MSRB3: variants seen among roughly 807,000 people sequenced by gnomAD.
The protein encoded by MSRB3 is methionine-R-sulfoxide reductase B3.
In MSRB3, 13 loss-of-function variants were observed where a neutral mutation model predicts 21.0. That is an observed-to-expected ratio of 0.62 (90% CI 0.40 to 0.98). The LOEUF is 0.98. Ranked by LOEUF, MSRB3 falls within the 50% of genes least tolerant of loss-of-function variation. The pLI is 0.00. For missense variants in MSRB3, 199 were observed against 230.3 expected (o/e 0.86, Z 0.88); for synonymous variants, 87 against 88.6 (o/e 0.98, Z 0.10).
chr12:65,284,412 T>G (rs992285551), intron 1 of MSRB3: 1 of 152,152 alleles, frequency 6.6e-6, no homozygotes, highest in Non-Finnish European at 1.5e-5. Context: ...AATTGGATAT[T>G]GGGAAAGAAA....
At chr12:65,379,487 T>G (rs996675780) in intron 5 of MSRB3, among the ~76,000 whole-genome samples, 2 of 152,174 alleles carry the variant, frequency 1.3e-5, no homozygotes, top group Admixed American at 6.5e-5. Context: ...ATATAGAACA[T>G]TTCCACCTAT....
intron 5 of MSRB3, among the ~76,000 whole-genome samples, chr12:65,445,649 A>ATT (rs11388948): frequency 0.035 from 4,893 of 140,650 alleles, 283 homozygotes; most frequent in African/African-American, 0.11. Context: ...CATATATATA[A>ATT]TTTTTTTTTT....
intron 4 of MSRB3, among the ~76,000 whole-genome samples, chr12:65,359,300 G>A (rs983313018): frequency 6.6e-6 from 1 of 151,990 alleles, no homozygotes; most frequent in African/African-American, 2.4e-5. Flanking sequence ...TATTGCTCTT[G>A]TCTGAGATTT....
Position 65,458,356 on chromosome 12 carries a change from A to G in MSRB3, c.390+4531A>G, listed in dbSNP as rs535643811. Among the ~76,000 whole-genome samples the G allele has an allele frequency of 2.0e-5, 3 of 152,302 alleles. No individual in the cohort carries two copies. The South Asian group carries it at 6.2e-4, about 32-fold the overall frequency. On this transcript the variant is annotated intron_variant, in intron 6 of 6. Transcript: ENST00000308259. Reference sequence around the variant, plus strand: ...TAGACTCATTGGGAGCCAATAGCCTACCACCGCTTTACAGTACATTGTAAA... The same window carrying G: ...TAGACTCATTGGGAGCCAATAGCCTGCCACCGCTTTACAGTACATTGTAAA...
rs1460897718 is a variant in MSRB3, at chr12:65,379,767, T to C, written c.292+10741T>C. The stretch of plus-strand genomic sequence containing the variant: ...CCAAGTTTGGCTACCATTGATGCAG[T>C]TGTGTTTACTGAGCAGTCTTGGTTT... On this transcript the variant is annotated intron_variant, in intron 5 of 6. Coordinates refer to ENST00000308259, the MANE Select transcript of MSRB3 (RefSeq NM_001031679.3). Among the ~76,000 whole-genome samples the C allele has an allele frequency of 2.0e-5, 3 of 152,168 alleles. No individual in the cohort carries two copies. The East Asian group carries it at 5.8e-4, about 29-fold the overall frequency.
At chr12:65,378,106 G>A (rs1003746047) in intron 5 of MSRB3, among the ~76,000 whole-genome samples, 5 of 151,976 alleles carry the variant, frequency 3.3e-5, no homozygotes, top group African/African-American at 7.3e-5. Context: ...TGTTACTTAC[G>A]TTGACTAGCC....
At chr12:65,455,909 T>C (rs184864294) in intron 6 of MSRB3, among the ~76,000 whole-genome samples, 28 of 152,202 alleles carry the variant, frequency 1.8e-4, no homozygotes, top group African/African-American at 6.3e-4. Flanking sequence ...GATAATTTTT[T>C]GTATTTTTGG....
intron 5 of MSRB3, among the ~76,000 whole-genome samples, chr12:65,378,294 A>G (rs1053745511): frequency 2.0e-5 from 3 of 152,232 alleles, no homozygotes; most frequent in African/African-American, 4.8e-5. Flanking sequence ...TATGTTCTAT[A>G]TAGTCATCAA....
intron 2 of MSRB3, among the ~76,000 whole-genome samples, chr12:65,325,516 C>T (rs1353616518): frequency 2.6e-5 from 4 of 151,936 alleles, no homozygotes; most frequent in Admixed American, 6.6e-5. Context: ...CTTGGTGGCC[C>T]GGATTCTGCA....
intron 2 of MSRB3, among the ~76,000 whole-genome samples, chr12:65,316,531 T>C (rs555079768): frequency 2.6e-5 from 4 of 152,168 alleles, no homozygotes; most frequent in Admixed American, 6.5e-5. Context: ...GCAACTACAG[T>C]TGTGTCTATC....
intron 6 of MSRB3, among the ~76,000 whole-genome samples, chr12:65,459,545 C>T (rs1883231657): frequency 6.6e-6 from 1 of 152,214 alleles, no homozygotes; most frequent in Non-Finnish European, 1.5e-5. Context: ...ACACAAGTGT[C>T]TTCAATAACA....
At chr12:65,380,101 G>A (rs1878857656) in intron 5 of MSRB3, among the ~76,000 whole-genome samples, 1 of 152,166 alleles carries the variant, frequency 6.6e-6, no homozygotes, top group Non-Finnish European at 1.5e-5. Flanking sequence ...TTAGAGTATG[G>A]TGATTGATTG....
chr12:65,328,246 C>CTT, intron 3 of MSRB3, among the ~76,000 whole-genome samples: 1 of 146,400 alleles, frequency 6.8e-6, no homozygotes, highest in African/African-American at 2.5e-5. Context: ...AAACTACAGG[C>CTT]TTTTTTTTTT....
chr12:65,461,990 A>C (rs80014960), intron 6 of MSRB3, among the ~76,000 whole-genome samples: 2,578 of 152,166 alleles, frequency 0.017, 42 homozygotes, highest in Non-Finnish European at 0.024. Flanking sequence ...TCCATGCTTT[A>C]TAGTTCACTT....
intron 1 of MSRB3, among the ~76,000 whole-genome samples, chr12:65,292,955 C>G (rs938893304): frequency 6.6e-6 from 1 of 152,048 alleles, no homozygotes; most frequent in African/African-American, 2.4e-5. Context: ...ATAAGATTGT[C>G]TAAGAACGTG....
chr12:65,419,578 A>T, intron 5 of MSRB3: 1 of 732,198 alleles, frequency 1.4e-6, no homozygotes, highest in East Asian at 2.6e-5. Flanking sequence ...AACAATGTGG[A>T]CATTGTCCAC....
chr12:65,325,794 G>T (rs1223345782), intron 2 of MSRB3, among the ~76,000 whole-genome samples: 4 of 152,186 alleles, frequency 2.6e-5, no homozygotes, highest in Non-Finnish European at 4.4e-5. Context: ...TTCCCACTGT[G>T]ATGGATGGCA....
chr12:65,368,938 G>T (rs557557890), intron 4 of MSRB3, 60 bp from the exon 5 acceptor site: 18 of 489,400 alleles, frequency 3.7e-5, no homozygotes, highest in South Asian at 5.8e-5. Flanking sequence ...CCCCCCCCAT[G>T]AAATAATTGT....
intron 5 of MSRB3, among the ~76,000 whole-genome samples, chr12:65,439,929 G>A (rs2136678067): frequency 6.6e-6 from 1 of 151,724 alleles, no homozygotes; most frequent in Admixed American, 6.6e-5. Context: ...GAAATACAGT[G>A]GTAGATACTT....
Sources: allele counts gnomAD v4.1 joint callset (sites outside exome capture counted in the v4.1 genomes callset), GRCh38; gene constraint gnomAD v4.1.1; transcripts MANE v1.5; gene names NCBI Gene and HGNC (gene_info 2026-07-23, HGNC 2026-07-21).